Variants in C5orf46 observed in about 807,000 individuals in gnomAD.
C5orf46 encodes uncharacterized protein C5orf46.
In C5orf46, 9 loss-of-function variants were observed where a neutral mutation model predicts 8.9. The observed-to-expected ratio is 1.01, with a 90% CI of 0.61 to 1.76. The LOEUF is 1.76. Ranked by LOEUF, C5orf46 falls within the 40% of genes most tolerant of loss-of-function variation. The pLI, the probability that C5orf46 is intolerant of heterozygous loss-of-function variation, is 0.00. For missense variants in C5orf46, 98 were observed against 107.8 expected (o/e 0.91, Z 0.40); for synonymous variants, 47 against 41.4 (o/e 1.14, Z -0.52).
chr5:147,905,765 A>G (rs550428648), intron 1 of C5orf46, among the ~76,000 whole-genome samples: 1 of 152,358 alleles, frequency 6.6e-6, no homozygotes, highest in Non-Finnish European at 1.5e-5. Context: ...TTTCACCTGT[A>G]TGTATGCTCA....
At chr5:147,887,403 G>A (rs1273596521) in intron 2 of C5orf46, 1 of 152,040 alleles carries the variant, frequency 6.6e-6, no homozygotes, top group East Asian at 1.9e-4. Context: ...TTCAAGCATT[G>A]TTAAATGGTG....
chr5:147,893,753 G>A, intron 3 of C5orf46, among the ~76,000 whole-genome samples: 1 of 152,106 alleles, frequency 6.6e-6, no homozygotes, highest in East Asian at 1.9e-4. Context: ...TGTTGGTCAG[G>A]CTGGTTTCCA....
downstream of C5orf46, among the ~76,000 whole-genome samples, chr5:147,889,157 A>G (rs983181883): frequency 6.6e-6 from 1 of 152,212 alleles, no homozygotes; most frequent in African/African-American, 2.4e-5. Flanking sequence ...TAGAAATGAT[A>G]TGAAAGTCTA....
intron 2 of C5orf46, among the ~76,000 whole-genome samples, chr5:147,897,653 T>C (rs1757605033): frequency 6.6e-6 from 1 of 152,174 alleles, no homozygotes; most frequent in African/African-American, 2.4e-5. Context: ...TTTAATACAA[T>C]GTGGGGATAA....
intron 2 of C5orf46, among the ~76,000 whole-genome samples, chr5:147,897,754 C>T (rs139544070): frequency 2.0e-5 from 3 of 152,244 alleles, no homozygotes; most frequent in Non-Finnish European, 2.9e-5. Context: ...GACTTTTTTA[C>T]AGAGTTTGTT....
At chr5:147,896,381 C>T (rs1309695844) in intron 3 of C5orf46, among the ~76,000 whole-genome samples, 1 of 152,152 alleles carries the variant, frequency 6.6e-6, no homozygotes, top group Non-Finnish European at 1.5e-5. Context: ...TCATTAATCA[C>T]TTAGCTTAAT....
At position 147,905,316 on chromosome 5, in the gene C5orf46, C is replaced by G. The variant is rs1757733753; in HGVS notation, c.70+1116G>C. On this transcript the variant is annotated intron_variant, in intron 1 of 3. Coordinates refer to ENST00000318315, the MANE Select transcript of C5orf46 (RefSeq NM_206966.3). ...TGACCTGGTGAAGTTGATAGTTATC[C>G]CGTTTTACAGATAAAGAAACTGAGG... 2.0e-5 allele frequency among the ~76,000 whole-genome samples: 3 copies of G among 151,960 alleles called. No homozygotes were observed. In the South Asian group the frequency reaches 6.2e-4, roughly 32 times the overall value.
chr5:147,895,062 C>CAA lies in C5orf46; in HGVS notation c.*9+1920_*9+1921dup, dbSNP rs5872049. ...TGGGTGACAGAGTGAGACTCTGTCT[C>CAA]AAAAAAAAAAAAATCAATGTTAATA... is the stretch of plus-strand genomic sequence containing the variant. On this transcript the variant is annotated intron_variant, in intron 3 of 3. Transcript: ENST00000318315. Among the ~76,000 whole-genome samples, 492 of 139,846 alleles carry CAA rather than the reference C, an allele frequency of 3.5e-3. 2 individuals are homozygous for CAA. The highest frequency in any genetic ancestry group is 0.012 in the African/African-American group (455 of 39,340). 91.7% of individuals were successfully genotyped at this position (139,846 alleles called of 152,430 possible).
At chr5:147,890,422 C>T (rs1757484492), downstream of C5orf46, among the ~76,000 whole-genome samples, 1 of 151,916 alleles carries the variant, frequency 6.6e-6, no homozygotes, top group African/African-American at 2.4e-5. Context: ...AAATTCTTGC[C>T]TCGTGGAGAT....
downstream of C5orf46, among the ~76,000 whole-genome samples, chr5:147,891,443 G>T (rs1308262576): frequency 6.6e-6 from 1 of 152,108 alleles, no homozygotes; most frequent in African/African-American, 2.4e-5. Flanking sequence ...TCTATAGATC[G>T]TTGGAGATCT....
At chr5:147,892,179 T>C (rs577545712), downstream of C5orf46, among the ~76,000 whole-genome samples, 1 of 152,332 alleles carries the variant, frequency 6.6e-6, no homozygotes, top group African/African-American at 2.4e-5. Context: ...CTAGCTCTGC[T>C]ATGTCACATT....
chr5:147,896,499 C>A (rs1306195520), intron 3 of C5orf46, among the ~76,000 whole-genome samples: 1 of 152,036 alleles, frequency 6.6e-6, no homozygotes, highest in Non-Finnish European at 1.5e-5. Flanking sequence ...AGGAGAGACC[C>A]GAGTAGGGAA....
At chr5:147,892,087 T>C (rs990542885), downstream of C5orf46, among the ~76,000 whole-genome samples, 3 of 152,222 alleles carry the variant, frequency 2.0e-5, no homozygotes, top group Non-Finnish European at 2.9e-5. Flanking sequence ...GAGCACTGCT[T>C]TAACTGGCAT....
chr5:147,892,264 C>T (rs557085298), downstream of C5orf46, among the ~76,000 whole-genome samples: 8 of 152,216 alleles, frequency 5.3e-5, no homozygotes, highest in East Asian at 1.4e-3. Flanking sequence ...GGTGGTGGCA[C>T]GAAAGGCCTG....
intron 1 of C5orf46, among the ~76,000 whole-genome samples, chr5:147,904,685 C>T (rs1272128600): frequency 2.0e-5 from 3 of 152,086 alleles, no homozygotes; most frequent in Admixed American, 2.0e-4. Flanking sequence ...TGATGGATTG[C>T]ATGCTCTGGA....
intron 2 of C5orf46, among the ~76,000 whole-genome samples, chr5:147,897,602 T>C (rs1248561256): frequency 1.3e-5 from 2 of 152,208 alleles, no homozygotes; most frequent in African/African-American, 4.8e-5. Flanking sequence ...GTTTGTGAAT[T>C]GCAGTCTAGT....
At chr5:147,905,935 C>G (rs1372087411) in intron 1 of C5orf46, among the ~76,000 whole-genome samples, 1 of 152,190 alleles carries the variant, frequency 6.6e-6, no homozygotes, top group East Asian at 1.9e-4. Flanking sequence ...ACCAGGTACC[C>G]TTCCAATTTG....
intron 1 of C5orf46, among the ~76,000 whole-genome samples, chr5:147,904,771 C>T (rs954125680): frequency 9.9e-5 from 15 of 151,620 alleles, no homozygotes; most frequent in Non-Finnish European, 1.5e-4. Flanking sequence ...CTTAACTTTG[C>T]ATCTCTCAGT....
intron 3 of C5orf46, among the ~76,000 whole-genome samples, chr5:147,895,452 C>A (rs2127126555): frequency 6.6e-6 from 1 of 152,242 alleles, no homozygotes; most frequent in Middle Eastern, 3.4e-3. Flanking sequence ...CATTAAGATT[C>A]CCTATGTTTT....
Sources: allele counts gnomAD v4.1 joint callset (sites outside exome capture counted in the v4.1 genomes callset), GRCh38; gene constraint gnomAD v4.1.1; transcripts MANE v1.5; gene names NCBI Gene and HGNC (gene_info 2026-07-23, HGNC 2026-07-21).